The following GRM5 variants were observed in gnomAD, a reference collection of about 807,000 sequenced individuals.
GRM5 encodes glutamate metabotropic receptor 5.
Under a neutral mutation model 83.1 loss-of-function variants are expected in GRM5, and 19 were observed. That is an observed-to-expected ratio of 0.23 (90% confidence interval 0.16 to 0.34). The LOEUF (loss-of-function observed/expected upper bound fraction) is 0.34. GRM5 is among the 10% of genes least tolerant of loss of function. The pLI is 1.00. For missense variants in GRM5, 1,160 were observed against 1,588.3 expected, an observed-to-expected ratio of 0.73 and a Z score of 4.58; for synonymous variants, 675 against 633.6, an observed-to-expected ratio of 1.07 and a Z score of -0.98.
At chr11:89,016,682 G>A (rs1470901131) in intron 2 of GRM5, among the ~76,000 whole-genome samples, 1 of 152,086 alleles carries the variant, frequency 6.6e-6, no homozygotes, top group African/African-American at 2.4e-5. Context: ...TTATGATGTG[G>A]CTGTTTCTAC....
rs531966971 is a variant in GRM5 at position 88,684,727 on chromosome 11, C to T, written c.912-31324G>A. ...GATAATTTGAATCATGGGGCAGTTC[C>T]CCCGATACTGTTCTAGTGGTAGTGA... On this transcript the variant is annotated intron_variant, in intron 3 of 9. Transcript: ENST00000305447. Among the ~76,000 whole-genome samples the T allele has an allele frequency of 2.6e-5, 4 of 152,242 alleles. No homozygotes were observed. In the East Asian group the frequency reaches 7.7e-4, roughly 29 times the overall value.
chr11:88,943,644 C>A (rs1012061377), intron 2 of GRM5, among the ~76,000 whole-genome samples: 1 of 152,028 alleles, frequency 6.6e-6, no homozygotes, highest in East Asian at 1.9e-4. Context: ...GGACTTTACC[C>A]TTTCCTTCCC....
chr11:88,792,818 AT>A (rs1328651730), intron 3 of GRM5, among the ~76,000 whole-genome samples: 4 of 152,122 alleles, frequency 2.6e-5, no homozygotes, highest in Non-Finnish European at 4.4e-5. Flanking sequence ...TACCATAACC[AT>A]TTGTATTTAC....
At chr11:88,660,489 G>T (rs1220639741) in intron 3 of GRM5, among the ~76,000 whole-genome samples, 1 of 152,138 alleles carries the variant, frequency 6.6e-6, no homozygotes, top group Non-Finnish European at 1.5e-5. Context: ...GCATCCCATG[G>T]TGCTACCTGC....
intron 3 of GRM5, among the ~76,000 whole-genome samples, chr11:88,846,246 G>A (rs1048437745): frequency 4.6e-5 from 7 of 152,156 alleles, no homozygotes; most frequent in Admixed American, 4.6e-4. Context: ...TTTAAATAAT[G>A]TATTTCAAGT....
intron 3 of GRM5, among the ~76,000 whole-genome samples, chr11:88,766,313 G>T (rs533422801): frequency 6.6e-5 from 10 of 151,692 alleles, no homozygotes; most frequent in African/African-American, 2.2e-4. Flanking sequence ...ACTATACTAC[G>T]GGGCTCCCAT....
At chr11:88,880,558 T>C (rs1944935139) in intron 2 of GRM5, among the ~76,000 whole-genome samples, 1 of 152,174 alleles carries the variant, frequency 6.6e-6, no homozygotes. Context: ...TCTTTCCTCA[T>C]TTTAAATTTG....
chr11:88,842,699 T>G (rs1334668131), intron 3 of GRM5, among the ~76,000 whole-genome samples: 7 of 152,234 alleles, frequency 4.6e-5, no homozygotes, highest in Admixed American at 4.6e-4. Context: ...TTCATCTTTT[T>G]TTTTCAACCT....
At chr11:89,024,425 A>G (rs993363391) in intron 2 of GRM5, among the ~76,000 whole-genome samples, 11 of 152,230 alleles carry the variant, frequency 7.2e-5, no homozygotes, top group African/African-American at 2.7e-4. Context: ...CAGGATCTTC[A>G]TAGCAAAAAT....
intron 2 of GRM5, among the ~76,000 whole-genome samples, chr11:88,851,553 AG>A (rs1300360012): frequency 6.6e-6 from 1 of 152,212 alleles, no homozygotes; most frequent in Non-Finnish European, 1.5e-5. Context: ...TCTGTGATAA[AG>A]GTTAATGTTC....
intron 7 of GRM5, among the ~76,000 whole-genome samples, chr11:88,588,940 AT>A (rs1937597234): frequency 6.6e-6 from 1 of 152,150 alleles, no homozygotes; most frequent in Non-Finnish European, 1.5e-5. Context: ...TAATATTATA[AT>A]GGAAATAGTA....
intron 2 of GRM5, among the ~76,000 whole-genome samples, chr11:88,889,863 A>T (rs1219889553): frequency 1.4e-5 from 2 of 147,440 alleles, no homozygotes; most frequent in Middle Eastern, 3.8e-3. Context: ...ACAAACAAAC[A>T]AAAAAAACCC....
intron 3 of GRM5, among the ~76,000 whole-genome samples, chr11:88,700,310 CCT>C (rs1176905468): frequency 6.6e-6 from 1 of 152,050 alleles, no homozygotes; most frequent in East Asian, 1.9e-4. Flanking sequence ...TATTAGCTAT[CCT>C]CTGTTATCAG....
chr11:88,669,889 C>T (rs561946393), intron 3 of GRM5, among the ~76,000 whole-genome samples: 1 of 151,996 alleles, frequency 6.6e-6, no homozygotes, highest in South Asian at 2.1e-4. Flanking sequence ...ATCAATATTC[C>T]AGTGGGTTTT....
rs1345756278 is a variant in GRM5 at position 88,913,881 on chromosome 11, C to A, written c.662-63726G>T. On this transcript the variant is annotated intron_variant, in intron 2 of 9. Transcript: ENST00000305447. ...GAATTACAGGTGTGAGCCATGTGGC[C>A]TACAGTTCCATATCTCACTGGTCAC... Among the ~76,000 whole-genome samples the A allele has an allele frequency of 5.9e-5, 9 of 152,132 alleles. No individual in the cohort carries two copies. The South Asian group carries it at 1.7e-3, about 28-fold the overall frequency.
chr11:88,792,562 A>C (rs1015889050), intron 3 of GRM5, among the ~76,000 whole-genome samples: 10 of 152,122 alleles, frequency 6.6e-5, no homozygotes, highest in African/African-American at 2.2e-4. Flanking sequence ...ACTAGGGGAT[A>C]TTTCTAGAGA....
chr11:88,547,948 C>A (rs1033412054), intron 8 of GRM5, among the ~76,000 whole-genome samples: 1 of 152,026 alleles, frequency 6.6e-6, no homozygotes, highest in Non-Finnish European at 1.5e-5. Flanking sequence ...CTATGCCTAC[C>A]AACTAATGGA....
chr11:88,994,485 A>ATATATG (rs1491507869), intron 2 of GRM5, among the ~76,000 whole-genome samples: 13 of 123,494 alleles, frequency 1.1e-4, no homozygotes, highest in African/African-American at 4.0e-4. Context: ...ATATATATAT[A>ATATATG]TTACAATTGC....
At chr11:89,032,209 A>G (rs982679513) in intron 2 of GRM5, among the ~76,000 whole-genome samples, 5 of 152,096 alleles carry the variant, frequency 3.3e-5, no homozygotes, top group African/African-American at 9.7e-5. Flanking sequence ...TCATTTTACA[A>G]TTGATGAAGT....
Sources: gnomAD v4.1 joint callset for allele counts (sites outside exome capture counted in the v4.1 genomes callset) on GRCh38, gnomAD v4.1.1 for gene constraint, MANE v1.5 for transcripts, NCBI Gene and HGNC (gene_info 2026-07-23, HGNC 2026-07-21) for gene names.